The following ASB11 variants were observed in gnomAD, a reference collection of about 807,000 sequenced individuals.
ASB11 encodes the protein ankyrin repeat and SOCS box containing 11.
Under a neutral mutation model 20.1 loss-of-function variants are expected in ASB11, and 17 were observed. The ratio of observed to expected loss-of-function variants is 0.85; its 90% CI spans 0.58 to 1.27. ASB11 has a LOEUF of 1.27. Ranked by LOEUF, ASB11 falls within the 50% of genes most tolerant of loss-of-function variation. ASB11 has a pLI of 0.00. For missense variants in ASB11, 259 were observed against 256.9 expected (o/e 1.01, Z -0.06); for synonymous variants, 107 against 105.6 (o/e 1.01, Z -0.08).
chrX:15,289,613 C>T lies in ASB11; in HGVS notation c.546G>A (p.Leu182=). ...KRGHRECMEI[L]LANNVNIDHE... ...GGTCAATGTTAACATTATTTGCCAG[C>T]AGGATCTCCATGCACTCTCTGTGAC... The change falls in exon 5 of 7, where the codon CTG becomes CTA. Residue 182 remains leucine, a synonymous_variant. Transcript: ENST00000480796. 1 of 1,210,495 alleles carries T rather than the reference C, an allele frequency of 8.3e-7. No homozygotes were observed. The highest frequency in any genetic ancestry group is 1.1e-6 in the Non-Finnish European group (1 of 894,453).
chrX:15,299,263 A>T (rs771540181), intron 2 of ASB11, among the ~76,000 whole-genome samples: 3 of 112,307 alleles, frequency 2.7e-5, no homozygotes, highest in African/African-American at 3.2e-5. Flanking sequence ...GTCAGGGCAC[A>T]GCCTAGTTTT....
chrX:15,287,441 C>T (rs1602184733), intron 6 of ASB11, among the ~76,000 whole-genome samples: 1 of 112,632 alleles, frequency 8.9e-6, no homozygotes, highest in South Asian at 3.6e-4. Flanking sequence ...ATTCTCCTGC[C>T]TCAGCCTCCC....
At chrX:15,306,130 G>T (rs1318680359) in intron 1 of ASB11, among the ~76,000 whole-genome samples, 2 of 111,856 alleles carry the variant, frequency 1.8e-5, no homozygotes, top group African/African-American at 6.5e-5. Flanking sequence ...ACATAGTATT[G>T]CATAATGTAT....
At chrX:15,285,866 G>A (rs1048466183) in intron 6 of ASB11, among the ~76,000 whole-genome samples, 4 of 110,593 alleles carry the variant, frequency 3.6e-5, no homozygotes, top group East Asian at 2.8e-4. Flanking sequence ...TTAGCTGGGC[G>A]TGGTGGCACG....
chrX:15,301,561 A>C (rs186442466), intron 2 of ASB11, among the ~76,000 whole-genome samples: 57 of 111,714 alleles, frequency 5.1e-4, no homozygotes, highest in African/African-American at 1.7e-3. Flanking sequence ...AGAGAGAGAG[A>C]GAGCAGTGCA....
intron 1 of ASB11, among the ~76,000 whole-genome samples, chrX:15,311,629 A>G (rs906550073): frequency 5.4e-5 from 6 of 111,418 alleles, no homozygotes; most frequent in African/African-American, 2.0e-4. Context: ...TTAGAATAGG[A>G]CTGATCTTTT....
chrX:15,284,277 A>C (rs1927309744), intron 6 of ASB11, among the ~76,000 whole-genome samples: 1 of 109,124 alleles, frequency 9.2e-6, no homozygotes. Flanking sequence ...AAAAGAAAGA[A>C]AGAAAGAAAG....
At chrX:15,286,270 T>C (rs1311919478) in intron 6 of ASB11, among the ~76,000 whole-genome samples, 1 of 111,115 alleles carries the variant, frequency 9.0e-6, no homozygotes, top group African/African-American at 3.3e-5. Context: ...GGAAGGTATA[T>C]ATGATGTAGT....
At chrX:15,297,060 G>A (rs755900502) in intron 3 of ASB11, among the ~76,000 whole-genome samples, 10 of 112,322 alleles carry the variant, frequency 8.9e-5, no homozygotes, top group Non-Finnish European at 1.5e-4. Context: ...TTGGGAGGCC[G>A]AGGCAGGTGG....
intron 3 of ASB11, among the ~76,000 whole-genome samples, chrX:15,293,592 A>T (rs1308887291): frequency 9.0e-6 from 1 of 111,480 alleles, no homozygotes; most frequent in Non-Finnish European, 1.9e-5. Flanking sequence ...TTTTCCATTA[A>T]TATGACTCCC....
intron 1 of ASB11, among the ~76,000 whole-genome samples, chrX:15,309,706 G>A (rs1229890484): frequency 1.8e-5 from 2 of 109,790 alleles, no homozygotes; most frequent in Non-Finnish European, 3.8e-5. Context: ...AGTGGCTCAC[G>A]CCTGTAATCC....
chrX:15,304,214 A>T (rs1921161045), intron 1 of ASB11, among the ~76,000 whole-genome samples: 2 of 112,439 alleles, frequency 1.8e-5, no homozygotes, highest in Non-Finnish European at 3.8e-5. Flanking sequence ...TGTGAATTTG[A>T]AATAACTGAA....
At chrX:15,305,681 G>T (rs1044907357) in intron 1 of ASB11, among the ~76,000 whole-genome samples, 2 of 111,090 alleles carry the variant, frequency 1.8e-5, no homozygotes, top group Non-Finnish European at 3.8e-5. Context: ...AATGTGTATT[G>T]CTTTTTATAA....
rs765982988 is a variant in ASB11 at position 15,293,093 on chromosome X, C to G, written c.520+77G>C. ...GAAGATCAGGGTCACCCTTGAATGA[C>G]TAACACTAGACCATTGATTCATACA... On this transcript the variant is annotated intron_variant, in intron 4 of 6. Coordinates refer to ENST00000480796, the MANE Select transcript of ASB11 (RefSeq NM_080873.3). 756 of 1,114,582 alleles carry G rather than the reference C, an allele frequency of 6.8e-4. 2 individuals are homozygous for G. The highest frequency in any genetic ancestry group is 8.9e-4 in the Non-Finnish European group (742 of 835,556). 91.9% of individuals were successfully genotyped at this position (1,114,582 alleles called of 1,213,427 possible).
chrX:15,313,990 G>A (rs1204146040), intron 1 of ASB11, among the ~76,000 whole-genome samples: 1 of 106,420 alleles, frequency 9.4e-6, no homozygotes. Context: ...CCTGGGAGGC[G>A]GAGGTTGCAG....
chrX:15,296,623 G>C (rs1479639284), intron 3 of ASB11, among the ~76,000 whole-genome samples: 5 of 111,826 alleles, frequency 4.5e-5, no homozygotes, highest in African/African-American at 1.6e-4. Context: ...AATTCTGTAG[G>C]TTTCCCCCAA....
chrX:15,290,956 A>G (rs1020521188), intron 4 of ASB11, among the ~76,000 whole-genome samples: 3 of 111,731 alleles, frequency 2.7e-5, no homozygotes, highest in Non-Finnish European at 3.8e-5. Flanking sequence ...TCCAGAAATA[A>G]TATCTAGTAA....
intron 6 of ASB11, among the ~76,000 whole-genome samples, chrX:15,286,879 G>C (rs1308268789): frequency 9.0e-6 from 1 of 111,405 alleles, no homozygotes; most frequent in East Asian, 2.8e-4. Context: ...TTAGCCCAGT[G>C]CCTGGCATAC....
Position 15,285,409 on chromosome X carries a change from G to C in ASB11, c.848-1780C>G, listed in dbSNP as rs902620188. The stretch of plus-strand genomic sequence containing the variant: ...CCGCCTGGGCCTCCCAAAGTGCTGG[G>C]ATTACAGGTGTGAGCCACCGCGCCC... On this transcript the variant is annotated intron_variant, in intron 6 of 6. Coordinates refer to ENST00000480796, the MANE Select transcript of ASB11 (RefSeq NM_080873.3). Among the ~76,000 whole-genome samples, 47 of 109,744 alleles carry C rather than the reference G, an allele frequency of 4.3e-4. 2 individuals are homozygous for C. Among genetic ancestry groups the C allele is most frequent in the Non-Finnish European group, 7.6e-5 (4 of 52,710 alleles).
Sources: allele counts gnomAD v4.1 joint callset (sites outside exome capture counted in the v4.1 genomes callset), GRCh38; gene constraint gnomAD v4.1.1; transcripts MANE v1.5; gene names NCBI Gene and HGNC (gene_info 2026-07-23, HGNC 2026-07-21).